The following NTNG1 variants were observed in gnomAD, a reference collection of about 807,000 sequenced individuals.
The protein encoded by NTNG1 is netrin G1, also known as netrin-G1.
NTNG1 carries 16 observed loss-of-function variants against 54.0 expected under a neutral mutation model. The ratio of observed to expected loss-of-function variants is 0.30; its 90% CI spans 0.20 to 0.45. The LOEUF (loss-of-function observed/expected upper bound fraction) is 0.45, where lower values mean the gene tolerates loss of function less well. Among genes scored for constraint, NTNG1 ranks in the 20% least tolerant of loss-of-function variants. The probability of loss-of-function intolerance (pLI) is 1.00; values close to 1 mark genes in which losing one functional copy is unlikely to be tolerated. For missense variants in NTNG1, 530 were observed against 678.7 expected (o/e 0.78, Z 2.43); for synonymous variants, 255 against 263.1 (o/e 0.97, Z 0.30).
At chr1:107,316,541 T>G (rs939271177) in intron 2 of NTNG1, among the ~76,000 whole-genome samples, 3 of 152,190 alleles carry the variant, frequency 2.0e-5, no homozygotes, top group African/African-American at 7.2e-5. Flanking sequence ...ATGCATGAAA[T>G]GTCTTTGTGG....
At chr1:107,149,264 T>C (rs900931995) in intron 2 of NTNG1, among the ~76,000 whole-genome samples, 4 of 152,188 alleles carry the variant, frequency 2.6e-5, no homozygotes, top group African/African-American at 9.6e-5. Context: ...CAGTCCTAAA[T>C]TCTGTAGTTC....
Position 107,299,438 on chromosome 1 carries a change from G to A in NTNG1, c.247-24844G>A, listed in dbSNP as rs142205687. 3.0e-3 allele frequency among the ~76,000 whole-genome samples: 452 copies of A among 152,234 alleles called. 4 individuals are homozygous for A. The highest frequency in any genetic ancestry group is 5.0e-3 in the Non-Finnish European group (338 of 68,014). On this transcript the variant is annotated intron_variant, in intron 2 of 7. Coordinates refer to ENST00000370068, the MANE Select transcript of NTNG1 (RefSeq NM_001113226.3). Reference sequence around the variant, plus strand: ...AGTGGTACTTCTCAAAATCAATGGTGTAGTGGATTTTATGAACTATAGAAA... The same window carrying A: ...AGTGGTACTTCTCAAAATCAATGGTATAGTGGATTTTATGAACTATAGAAA...
At position 107,307,881 on chromosome 1, in the gene NTNG1, G is replaced by C. The variant is rs181686930; in HGVS notation, c.247-16401G>C. Among the ~76,000 whole-genome samples the C allele has an allele frequency of 2.1e-3, 319 of 152,188 alleles. 2 individuals carry two copies. The highest frequency in any genetic ancestry group is 7.4e-3 in the African/African-American group (309 of 41,508). On this transcript the variant is annotated intron_variant, in intron 2 of 7. Coordinates refer to ENST00000370068, the MANE Select transcript of NTNG1 (RefSeq NM_001113226.3). ...CTTCTAATCTCTAGTAACTACGTTGGGGAGGGTAACATACATTGTTCCTTC... is the reference window on the plus strand; with the variant it reads ...CTTCTAATCTCTAGTAACTACGTTGCGGAGGGTAACATACATTGTTCCTTC...
chr1:107,315,746 T>C (rs920930298), intron 2 of NTNG1, among the ~76,000 whole-genome samples: 16 of 152,288 alleles, frequency 1.1e-4, no homozygotes, highest in African/African-American at 3.6e-4. Context: ...ATTATATAAT[T>C]GTTTACTTTT....
At chr1:107,339,912 A>G (rs531322125) in intron 3 of NTNG1, among the ~76,000 whole-genome samples, 22 of 152,088 alleles carry the variant, frequency 1.4e-4, no homozygotes, top group Non-Finnish European at 2.9e-4. Context: ...TACCATCTGG[A>G]TGAGCTGACA....
At chr1:107,377,679 A>G (rs1280783675) in intron 3 of NTNG1, among the ~76,000 whole-genome samples, 2 of 152,224 alleles carry the variant, frequency 1.3e-5, no homozygotes, top group Non-Finnish European at 2.9e-5. Flanking sequence ...CTTATTTCCT[A>G]TGAGCAAGTG....
intron 2 of NTNG1, among the ~76,000 whole-genome samples, chr1:107,194,505 T>C (rs1658182737): frequency 6.6e-6 from 1 of 152,056 alleles, no homozygotes; most frequent in Non-Finnish European, 1.5e-5. Context: ...CTTTCTCTCA[T>C]ATATTTTTAT....
chr1:107,262,175 A>G (rs1022163069), intron 2 of NTNG1, among the ~76,000 whole-genome samples: 1 of 152,230 alleles, frequency 6.6e-6, no homozygotes, highest in Non-Finnish European at 1.5e-5. Flanking sequence ...AAGTCTTATA[A>G]AGGTATTTTT....
At chr1:107,316,308 CA>C (rs1193099198) in intron 2 of NTNG1, among the ~76,000 whole-genome samples, 1 of 152,086 alleles carries the variant, frequency 6.6e-6, no homozygotes, top group Non-Finnish European at 1.5e-5. Context: ...TGGAGTGAAG[CA>C]AATATTTTCC....
At chr1:107,263,507 T>A (rs770271341) in intron 2 of NTNG1, among the ~76,000 whole-genome samples, 3 of 152,216 alleles carry the variant, frequency 2.0e-5, no homozygotes, top group Non-Finnish European at 4.4e-5. Flanking sequence ...ATTTTAAGAA[T>A]GTAGTAGGAA....
At chr1:107,431,835 G>A (rs1675286439) in intron 6 of NTNG1, among the ~76,000 whole-genome samples, 1 of 152,158 alleles carries the variant, frequency 6.6e-6, no homozygotes, top group African/African-American at 2.4e-5. Context: ...CAGTTTTAAA[G>A]GTAGACTTTT....
chr1:107,305,808 C>G (rs1479640797), intron 2 of NTNG1, among the ~76,000 whole-genome samples: 1 of 152,136 alleles, frequency 6.6e-6, no homozygotes, highest in Non-Finnish European at 1.5e-5. Flanking sequence ...GTCATGAAGT[C>G]TTTGCCCATG....
At chr1:107,205,306 A>C (rs1410139636) in intron 2 of NTNG1, among the ~76,000 whole-genome samples, 2 of 152,012 alleles carry the variant, frequency 1.3e-5, no homozygotes, top group Non-Finnish European at 2.9e-5. Context: ...TGTCTCCCCA[A>C]ATTTCAGGGT....
chr1:107,415,998 C>A (rs903123373), intron 5 of NTNG1, among the ~76,000 whole-genome samples: 2 of 152,110 alleles, frequency 1.3e-5, no homozygotes, highest in Non-Finnish European at 2.9e-5. Context: ...TGTTTTCTTA[C>A]TTGGCCTTGC....
intron 2 of NTNG1, among the ~76,000 whole-genome samples, chr1:107,278,132 G>A (rs933247568): frequency 6.6e-6 from 1 of 152,060 alleles, no homozygotes; most frequent in East Asian, 1.9e-4. Flanking sequence ...TGTTGAAAAA[G>A]GCCTTTGCAT....
At chr1:107,199,213 C>T (rs535392318) in intron 2 of NTNG1, among the ~76,000 whole-genome samples, 38 of 151,546 alleles carry the variant, frequency 2.5e-4, no homozygotes, top group Non-Finnish European at 5.5e-4. Context: ...CAGTTATCTC[C>T]CCAGTTTTCT....
intron 7 of NTNG1, among the ~76,000 whole-genome samples, chr1:107,457,092 C>A (rs1677000586): frequency 6.6e-6 from 1 of 152,228 alleles, no homozygotes. Flanking sequence ...AAACCTCAGG[C>A]TTGCCTGGCC....
chr1:107,228,509 G>C (rs1308680403), intron 2 of NTNG1, among the ~76,000 whole-genome samples: 1 of 152,126 alleles, frequency 6.6e-6, no homozygotes, highest in African/African-American at 2.4e-5. Flanking sequence ...GTTTATTCCA[G>C]AGTCTTGAAG....
chr1:107,483,454 T>C lies in NTNG1; in HGVS notation c.*2614T>C, dbSNP rs1348175519. Reference sequence around the variant, plus strand: ...TCTGCTTTTAATAAAAATTCACTTTTAGGTGTACAACAAATGGAAATGAAA... The same window carrying C: ...TCTGCTTTTAATAAAAATTCACTTTCAGGTGTACAACAAATGGAAATGAAA... On this transcript the variant is annotated 3_prime_UTR_variant, in exon 8 of 8. Transcript: ENST00000370068. The C allele has an allele frequency of 6.6e-6, 1 of 152,270 alleles. No homozygotes were observed. Among genetic ancestry groups the C allele is most frequent in the Admixed American group, 6.5e-5 (1 of 15,288 alleles). The allele number at this position is 152,270 out of a possible 1,614,324, so 9.4% of individuals were successfully genotyped here.
Sources: allele counts gnomAD v4.1 joint callset (sites outside exome capture counted in the v4.1 genomes callset), GRCh38; gene constraint gnomAD v4.1.1; transcripts MANE v1.5; gene names NCBI Gene and HGNC (gene_info 2026-07-23, HGNC 2026-07-21).